POLN: variants seen among roughly 807,000 people sequenced by gnomAD.
POLN encodes the protein DNA polymerase nu.
In POLN, 108 loss-of-function variants were observed where a neutral mutation model predicts 113.5. The ratio of observed to expected loss-of-function variants is 0.95; its 90% confidence interval spans 0.81 to 1.12. The LOEUF (loss-of-function observed/expected upper bound fraction) is 1.12, where lower values mean the gene tolerates loss of function less well. Ranked by LOEUF, POLN falls within the 50% of genes most tolerant of loss-of-function variation. The pLI is 0.00. For missense variants in POLN, 1,097 were observed against 1,077.1 expected, an observed-to-expected ratio of 1.02 and a Z score of -0.26; for synonymous variants, 386 against 391.5, an observed-to-expected ratio of 0.99 and a Z score of 0.17.
At chr4:2,080,297 C>A (rs1244407890) in intron 23 of POLN, 8 of 997,078 alleles carry the variant, frequency 8.0e-6, no homozygotes, top group Non-Finnish European at 9.5e-6. Flanking sequence ...GAGGAATGTG[C>A]CCTGGGGGAA....
chr4:2,182,086 G>T (rs1271573788), intron 7 of POLN, among the ~76,000 whole-genome samples: 3 of 151,826 alleles, frequency 2.0e-5, no homozygotes, highest in South Asian at 4.1e-4. Context: ...TAGACCTACA[G>T]ATCAGTGGAA....
At chr4:2,229,398 T>C (rs1309059821) in intron 2 of POLN, 155 bp from the exon 3 acceptor site, 3 of 593,230 alleles carry the variant, frequency 5.1e-6, no homozygotes, top group Admixed American at 7.9e-5. Context: ...TCCAATAATA[T>C]AGATAGAAAG....
chr4:2,177,537 A>T (rs1367458010), intron 8 of POLN, among the ~76,000 whole-genome samples: 2 of 152,222 alleles, frequency 1.3e-5, no homozygotes, highest in Admixed American at 1.3e-4. Context: ...CTGGCTGATG[A>T]GACATAAACA....
At chr4:2,223,166 A>G (rs1734302376) in intron 3 of POLN, among the ~76,000 whole-genome samples, 1 of 152,180 alleles carries the variant, frequency 6.6e-6, no homozygotes, top group African/African-American at 2.4e-5. Context: ...TACAAGCCAT[A>G]ATTACAGTCA....
At chr4:2,134,207 C>A (rs989727598) in intron 16 of POLN, among the ~76,000 whole-genome samples, 2 of 152,166 alleles carry the variant, frequency 1.3e-5, no homozygotes, top group African/African-American at 4.8e-5. Context: ...CTTTTTATCA[C>A]TGAATAATAT....
chr4:2,200,690 C>T (rs1733688958), intron 5 of POLN, among the ~76,000 whole-genome samples: 1 of 152,104 alleles, frequency 6.6e-6, no homozygotes, highest in African/African-American at 2.4e-5. Context: ...AGGGAACACC[C>T]CATTGGATAA....
At chr4:2,235,386 G>A (rs78700169) in intron 2 of POLN, among the ~76,000 whole-genome samples, 6,192 of 152,246 alleles carry the variant, frequency 0.041, 459 homozygotes, top group African/African-American at 0.14. Context: ...ACAAGTGTTG[G>A]CAAAGATGTG....
intron 19 of POLN, among the ~76,000 whole-genome samples, chr4:2,121,878 T>G (rs1731453038): frequency 6.6e-6 from 1 of 152,054 alleles, no homozygotes; most frequent in Non-Finnish European, 1.5e-5. Flanking sequence ...TCTGCTTGCT[T>G]TGGGTTTCTT....
At chr4:2,150,165 T>C (rs1412111772) in intron 16 of POLN, among the ~76,000 whole-genome samples, 1 of 151,698 alleles carries the variant, frequency 6.6e-6, no homozygotes, top group Non-Finnish European at 1.5e-5. Flanking sequence ...CACACACAAA[T>C]AGTTTAAAAG....
In POLN at chr4:2,156,900, G is replaced by A. The variant is rs757642275; in HGVS notation, c.1666-47C>T. ...AGTGTAAACTCCAGCAATGCTATGT[G>A]AAGTTAAGAATGTGGCGGAGCCTCC... is the stretch of plus-strand genomic sequence containing the variant. On this transcript the variant is annotated intron_variant, in intron 15 of 25. Coordinates refer to ENST00000511885, the MANE Select transcript of POLN (RefSeq NM_181808.4). 9 of 1,480,984 alleles carry A rather than the reference G, an allele frequency of 6.1e-6. No individual in the cohort carries two copies. In the Admixed American group the frequency reaches 1.5e-4, roughly 25 times the overall value. The allele number at this position is 1,480,984 out of a possible 1,614,324, so 91.7% of individuals were successfully genotyped here. A position where few individuals can be genotyped will look rare whatever the true frequency, so the allele number is the denominator to read the frequency against.
chr4:2,183,471 C>T (rs28784653), intron 7 of POLN, among the ~76,000 whole-genome samples: 37,541 of 152,134 alleles, frequency 0.25, 7,162 homozygotes, highest in African/African-American at 0.52. Flanking sequence ...AGTACTGATA[C>T]ATGCCACAAC....
intron 16 of POLN, among the ~76,000 whole-genome samples, chr4:2,146,612 G>T (rs1041361046): frequency 2.6e-5 from 4 of 151,882 alleles, no homozygotes; most frequent in Admixed American, 6.6e-5. Context: ...AGGAAAAGGG[G>T]TATCTCACTG....
At chr4:2,234,657 C>A (rs1488802867) in intron 2 of POLN, among the ~76,000 whole-genome samples, 4 of 152,036 alleles carry the variant, frequency 2.6e-5, no homozygotes, top group African/African-American at 9.7e-5. Context: ...AAACTATATG[C>A]CTTACATTAC....
intron 13 of POLN, among the ~76,000 whole-genome samples, chr4:2,165,140 C>T (rs937518159): frequency 1.7e-4 from 26 of 152,128 alleles, no homozygotes; most frequent in African/African-American, 3.4e-4. Context: ...TATTTATCTC[C>T]GCTTTATTTG....
At chr4:2,168,844 C>T (rs1431346089) in intron 13 of POLN, among the ~76,000 whole-genome samples, 1 of 152,200 alleles carries the variant, frequency 6.6e-6, no homozygotes, top group Non-Finnish European at 1.5e-5. Context: ...AGTTCAGCAC[C>T]AGGAGCTGGT....
chr4:2,180,430 G>A (rs916302833), intron 7 of POLN, among the ~76,000 whole-genome samples: 5 of 152,090 alleles, frequency 3.3e-5, no homozygotes, highest in Non-Finnish European at 7.4e-5. Context: ...TAAAACTATA[G>A]TCTTAGATCA....
At chr4:2,152,085 G>A (rs1213790022) in intron 16 of POLN, among the ~76,000 whole-genome samples, 1 of 149,050 alleles carries the variant, frequency 6.7e-6, no homozygotes, top group East Asian at 2.0e-4. Context: ...AGGCTAGAGT[G>A]CAGTGGTATC....
At chr4:2,135,522 G>T (rs1052382862) in intron 16 of POLN, among the ~76,000 whole-genome samples, 22 of 152,220 alleles carry the variant, frequency 1.4e-4, no homozygotes, top group African/African-American at 5.1e-4. Flanking sequence ...CCATCAGACA[G>T]AGTGCCGTCC....
chr4:2,209,113 T>C lies in POLN; in HGVS notation c.214-626A>G, dbSNP rs1297862156. ...GAGAGAAGATTAATAATTTACAACTTCCAAGTAAAAGCCATTTGCAGAGAA... is the reference window on the plus strand; with the variant it reads ...GAGAGAAGATTAATAATTTACAACTCCCAAGTAAAAGCCATTTGCAGAGAA... On this transcript the variant is annotated intron_variant, in intron 4 of 25. Transcript: ENST00000511885. 3.9e-5 allele frequency among the ~76,000 whole-genome samples: 6 copies of C among 152,206 alleles called. No individual in the cohort carries two copies. The East Asian group carries it at 1.2e-3, about 29-fold the overall frequency.
Sources: gnomAD v4.1 joint callset for allele counts (sites outside exome capture counted in the v4.1 genomes callset) on GRCh38, gnomAD v4.1.1 for gene constraint, MANE v1.5 for transcripts, NCBI Gene and HGNC (gene_info 2026-07-23, HGNC 2026-07-21) for gene names.